Variants in VSIG10 observed in about 807,000 individuals in gnomAD.
VSIG10 encodes the protein V-set and immunoglobulin domain containing 10.
VSIG10 carries 48 observed loss-of-function variants against 58.7 expected under a neutral mutation model. That is an observed-to-expected ratio of 0.82 (90% CI 0.65 to 1.04). The LOEUF is 1.04. VSIG10 is among the 50% of genes least tolerant of loss of function. The pLI, the probability that VSIG10 is intolerant of heterozygous loss-of-function variation, is 0.00. For synonymous variants in VSIG10, 260 were observed against 267.1 expected (o/e 0.97, Z 0.26); for missense variants, 628 against 670.0 (o/e 0.94, Z 0.69).
At chr12:118,069,301 G>A (rs1008195735) in intron 7 of VSIG10, among the ~76,000 whole-genome samples, 8 of 151,910 alleles carry the variant, frequency 5.3e-5, no homozygotes, top group Non-Finnish European at 1.0e-4. Flanking sequence ...TGTTGGCCAG[G>A]CTGGTCTCGA....
At chr12:118,090,133 G>A (rs2033249863) in intron 2 of VSIG10, among the ~76,000 whole-genome samples, 1 of 152,066 alleles carries the variant, frequency 6.6e-6, no homozygotes, top group South Asian at 2.1e-4. Context: ...GGCCAACATG[G>A]TGAAAACCCC....
At chr12:118,096,381 C>A (rs892360376) in intron 1 of VSIG10, among the ~76,000 whole-genome samples, 16 of 151,554 alleles carry the variant, frequency 1.1e-4, no homozygotes, top group Non-Finnish European at 1.9e-4. Flanking sequence ...GAGTTCAAGA[C>A]CAGCCTAACC....
At position 118,066,667 on chromosome 12, in the gene VSIG10, A is replaced by C. The variant is rs1298626805; in HGVS notation, c.1595T>G (p.Ile532Ser). 5.0e-6 allele frequency: 8 copies of C among 1,612,858 alleles called. No individual in the cohort carries two copies. The highest frequency in any genetic ancestry group is 6.8e-6 in the Non-Finnish European group (8 of 1,179,374). The change falls in exon 9 of 9, where the codon ATT becomes AGT. Residue 532 changes from isoleucine (I) to serine (S), a missense_variant. By Grantham distance (142) the Ile-to-Ser change is moderately radical. Transcript: ENST00000359236. The stretch of plus-strand genomic sequence containing the variant: ...GACTGGCCTGTCTTCTTCTTGAACA[A>C]TGTCACTTTGCTCCTCACTGCTGTC... Reference protein sequence around the residue: ...QDDSSEEQSDIVQEEDRPV With the variant: ...QDDSSEEQSDSVQEEDRPV
Position 118,095,818 on chromosome 12 carries a change from T to C in VSIG10, c.80-4A>G, listed in dbSNP as rs765184630. On this transcript the variant is annotated splice_polypyrimidine_tract_variant and splice_region_variant and intron_variant, in intron 1 of 8. Coordinates refer to ENST00000359236, the MANE Select transcript of VSIG10 (RefSeq NM_019086.6). Reference sequence around the variant, plus strand: ...CCAATGACAACAGCCTCCAATCCTGTACAAGGCAAGATCAGGCTGTTACTA... The same window carrying C: ...CCAATGACAACAGCCTCCAATCCTGCACAAGGCAAGATCAGGCTGTTACTA... The C allele has an allele frequency of 4.4e-6, 7 of 1,603,812 alleles. No homozygotes were observed. The highest frequency in any genetic ancestry group is 6.0e-6 in the Non-Finnish European group (7 of 1,174,940).
At chr12:118,075,061 TTATG>T (rs1324951849) in intron 4 of VSIG10, among the ~76,000 whole-genome samples, 1 of 150,762 alleles carries the variant, frequency 6.6e-6, no homozygotes, top group African/African-American at 2.4e-5. Context: ...TCATAAGTAT[TTATG>T]TATAAGAAAA....
rs1316688187 is a variant in VSIG10 at position 118,066,517 on chromosome 12, C to T, written c.*122G>A. ...CTTGGTTTTGTTTTTTGCTGAGACC[C>T]AAACATTGTTAGTGCAAGCCCCCGC... On this transcript the variant is annotated 3_prime_UTR_variant, in exon 9 of 9. Coordinates refer to ENST00000359236, the MANE Select transcript of VSIG10 (RefSeq NM_019086.6). 9.6e-7 allele frequency: 1 copy of T among 1,045,144 alleles called. No individual in the cohort carries two copies. Among genetic ancestry groups the T allele is most frequent in the Admixed American group, 1.8e-5 (1 of 54,604 alleles). The allele number at this position is 1,045,144 out of a possible 1,614,324, so 64.7% of individuals were successfully genotyped here. A position where few individuals can be genotyped will look rare whatever the true frequency, so the allele number is the denominator to read the frequency against.
intron 3 of VSIG10, 111 bp from the exon 4 acceptor site, chr12:118,079,717 T>C: frequency 7.0e-7 from 1 of 1,432,380 alleles, no homozygotes; most frequent in Non-Finnish European, 9.5e-7. Context: ...CAACCCCAGT[T>C]AGTGTTAGCA....
intron 7 of VSIG10, 49 bp downstream of exon 7, chr12:118,071,003 A>G: frequency 6.3e-7 from 1 of 1,590,872 alleles, no homozygotes; most frequent in Non-Finnish European, 8.6e-7. Context: ...AACAGAAGTG[A>G]AGACAGATGC....
chr12:118,103,878 C>T lies in VSIG10; in HGVS notation c.-207G>A, dbSNP rs2033685309. 3 of 440,790 alleles carry T rather than the reference C, an allele frequency of 6.8e-6. No homozygotes were observed. The South Asian group carries it at 1.6e-4, about 24-fold the overall frequency. 27.3% of individuals were successfully genotyped at this position (440,790 alleles called of 1,614,324 possible). On this transcript the variant is annotated 5_prime_UTR_variant, in exon 1 of 9. Coordinates refer to ENST00000359236, the MANE Select transcript of VSIG10 (RefSeq NM_019086.6). ...GAGCTCGGCTGCAGGCTCGGGTCCC[C>T]GCTCCCGAGCGCCCTGGCCGGGGAG... is the stretch of plus-strand genomic sequence containing the variant.
At chr12:118,078,815 T>G (rs1413992964) in intron 4 of VSIG10, among the ~76,000 whole-genome samples, 1 of 151,598 alleles carries the variant, frequency 6.6e-6, no homozygotes, top group Non-Finnish European at 1.5e-5. Context: ...GGTGCACGCC[T>G]GTAGTCCCAG....
At chr12:118,100,900 G>A (rs1353986546) in intron 1 of VSIG10, among the ~76,000 whole-genome samples, 1 of 152,202 alleles carries the variant, frequency 6.6e-6, no homozygotes, top group Admixed American at 6.5e-5. Flanking sequence ...TGGAAAGGAA[G>A]ATGAACTTCA....
At position 118,071,351 on chromosome 12, in the gene VSIG10, G is replaced by C. The variant is rs1162431487; in HGVS notation, c.1330+8C>G. On this transcript the variant is annotated splice_region_variant and intron_variant, in intron 6 of 8. Transcript: ENST00000359236. ...GAAGAGAAGCTAAAGGACCCAGGGA[G>C]TCCTTACCTTTCCAGCAGAACACAG... The C allele has an allele frequency of 1.2e-6, 2 of 1,611,922 alleles. No homozygotes were observed. Among genetic ancestry groups the C allele is most frequent in the South Asian group, 1.1e-5 (1 of 91,022 alleles).
chr12:118,076,163 T>A (rs1296783293), intron 4 of VSIG10, among the ~76,000 whole-genome samples: 1 of 152,160 alleles, frequency 6.6e-6, no homozygotes, highest in African/African-American at 2.4e-5. Flanking sequence ...GCACATTTAT[T>A]CTCTTAACAG....
At chr12:118,088,704 C>A (rs1376494112) in intron 2 of VSIG10, among the ~76,000 whole-genome samples, 1 of 152,104 alleles carries the variant, frequency 6.6e-6, no homozygotes, top group Non-Finnish European at 1.5e-5. Flanking sequence ...GCTGTTTAGC[C>A]CAGGGACCTC....
At chr12:118,077,566 G>T (rs944669048) in intron 4 of VSIG10, among the ~76,000 whole-genome samples, 2 of 152,086 alleles carry the variant, frequency 1.3e-5, no homozygotes, top group Non-Finnish European at 2.9e-5. Flanking sequence ...TTCAAAAAGT[G>T]GTGCCTAATT....
At chr12:118,091,026 T>G (rs992026883) in intron 2 of VSIG10, among the ~76,000 whole-genome samples, 1 of 151,978 alleles carries the variant, frequency 6.6e-6, no homozygotes, top group African/African-American at 2.4e-5. Context: ...TCCCAGCTAC[T>G]CAGGTGGCTG....
chr12:118,086,581 G>T (rs1011018814), intron 2 of VSIG10, among the ~76,000 whole-genome samples: 1 of 152,118 alleles, frequency 6.6e-6, no homozygotes, highest in African/African-American at 2.4e-5. Flanking sequence ...AGGTAGCAGG[G>T]ATGGGTCAAT....
rs1490877554 is a variant in VSIG10 at position 118,079,478 on chromosome 12, C to T, written c.793G>A (p.Val265Ile). Reference sequence around the variant, plus strand: ...CCCAGCTTTGACTTCCCCACGATTACACCTCCTGGCTCTTCTATCCACAGG... The same window carrying T: ...CCCAGCTTTGACTTCCCCACGATTATACCTCCTGGCTCTTCTATCCACAGG... ...DFLWIEEPGG[V>I]IVGKSKLGVE... The change falls in exon 4 of 9, where the codon GTA (valine) becomes ATA (isoleucine). Residue 265 changes from valine to isoleucine, a missense_variant. Val to Ile is a conservative substitution (Grantham distance 29). Transcript: ENST00000359236. 1.9e-6 allele frequency: 3 copies of T among 1,614,058 alleles called. No individual in the cohort carries two copies. The highest frequency in any genetic ancestry group is 2.5e-6 in the Non-Finnish European group (3 of 1,179,906).
chr12:118,067,510 C>T (rs908526345), intron 8 of VSIG10, among the ~76,000 whole-genome samples: 2 of 143,012 alleles, frequency 1.4e-5, no homozygotes, highest in Non-Finnish European at 3.0e-5. Context: ...GTCACCCAGG[C>T]TGAAGTGCAG....
Sources: gnomAD v4.1 joint callset for allele counts (sites outside exome capture counted in the v4.1 genomes callset) on GRCh38, gnomAD v4.1.1 for gene constraint, MANE v1.5 for transcripts, NCBI Gene and HGNC (gene_info 2026-07-23, HGNC 2026-07-21) for gene names.